XYLT1: variants seen among roughly 807,000 people sequenced by gnomAD.
XYLT1 encodes beta-D-xylosyltransferase 1.
In XYLT1, 36 loss-of-function variants were observed where a neutral mutation model predicts 91.3. That is an observed-to-expected ratio of 0.39 (90% CI 0.30 to 0.52). The LOEUF (loss-of-function observed/expected upper bound fraction) is 0.52, where lower values mean the gene tolerates loss of function less well. Ranked by LOEUF, XYLT1 falls within the 20% of genes least tolerant of loss-of-function variation. The pLI, the probability that XYLT1 is intolerant of heterozygous loss-of-function variation, is 0.68. For missense variants in XYLT1, 1,242 were observed against 1,284.5 expected, an observed-to-expected ratio of 0.97 and a Z score of 0.51; for synonymous variants, 588 against 532.0, an observed-to-expected ratio of 1.11 and a Z score of -1.45.
At chr16:17,160,758 C>T (rs2031529789) in intron 5 of XYLT1, among the ~76,000 whole-genome samples, 1 of 152,148 alleles carries the variant, frequency 6.6e-6, no homozygotes, top group African/African-American at 2.4e-5. Context: ...AGGTAAAGTC[C>T]ACTGGTGCCT....
rs1378456649 is a variant in XYLT1, at chr16:17,108,956, C to T, written c.2619G>A (p.Gln873=). 1.3e-6 allele frequency: 2 copies of T among 1,583,572 alleles called. No individual in the cohort carries two copies. The highest frequency in any genetic ancestry group is 2.3e-5 in the East Asian group (1 of 44,146). ...GCAGGCTGAGGACGGGGTTTAGGCT[C>T]TGGAAGCTCTGCTCCATGTAGGCAT... ...LRNAYMEQSF[Q]SLNPVLSLPI... The change falls in exon 12 of 12, where the codon CAG becomes CAA. Residue 873 remains glutamine, a synonymous_variant. Transcript: ENST00000261381.
At chr16:17,323,370 G>T (rs1390987978) in intron 2 of XYLT1, among the ~76,000 whole-genome samples, 1 of 152,088 alleles carries the variant, frequency 6.6e-6, no homozygotes, top group South Asian at 2.1e-4. Flanking sequence ...TCGCGCAGAC[G>T]GCACCATTGG....
chr16:17,442,740 C>T (rs1258023564), intron 1 of XYLT1, among the ~76,000 whole-genome samples: 1 of 152,300 alleles, frequency 6.6e-6, no homozygotes, highest in East Asian at 1.9e-4. Flanking sequence ...CTTCCCTCTT[C>T]CCCATCTCCT....
intron 3 of XYLT1, among the ~76,000 whole-genome samples, chr16:17,254,996 C>CTTTTTTTTTTTTTTTT (rs34553607): frequency 8.8e-5 from 10 of 113,352 alleles, no homozygotes; most frequent in South Asian, 3.0e-4. Context: ...TTTTCTTTTT[C>CTTTTTTTTTTTTTTTT]TTTTTTTTTT....
Position 17,198,271 on chromosome 16 carries a change from C to G in XYLT1, c.1230G>C (p.Glu410Asp). ...TYLQSMRDLL[E>D]MTDWPWDFFI... ...AGAAGTCCCAGGGCCAGTCGGTCAT[C>G]TCCAGGAGGTCCCGCATGCTCTGCA... The change falls in exon 5 of 12, where the codon GAG becomes GAC. Residue 410 changes from glutamate to aspartate, a missense_variant. By Grantham distance (45) the Glu-to-Asp change is conservative. Transcript: ENST00000261381. 1 of 1,614,224 alleles carries G rather than the reference C, an allele frequency of 6.2e-7. No individual in the cohort carries two copies. Among genetic ancestry groups the G allele is most frequent in the Non-Finnish European group, 8.5e-7 (1 of 1,180,034 alleles).
chr16:17,153,823 C>T (rs900735857), intron 6 of XYLT1, among the ~76,000 whole-genome samples: 9 of 152,188 alleles, frequency 5.9e-5, no homozygotes, highest in African/African-American at 2.2e-4. Flanking sequence ...GACCTACCCT[C>T]ACCCATGCAA....
intron 2 of XYLT1, among the ~76,000 whole-genome samples, chr16:17,332,567 T>TACATAC (rs2034914489): frequency 7.3e-6 from 1 of 137,902 alleles, no homozygotes; most frequent in Non-Finnish European, 1.6e-5. Flanking sequence ...ATCACACACA[T>TACATAC]ACACACACAC....
chr16:17,225,131 G>A (rs1429180475), intron 3 of XYLT1, among the ~76,000 whole-genome samples: 1 of 151,072 alleles, frequency 6.6e-6, no homozygotes, highest in Non-Finnish European at 1.5e-5. Flanking sequence ...GTGTGACCTC[G>A]TAAGCCACCA....
intron 2 of XYLT1, among the ~76,000 whole-genome samples, chr16:17,281,786 C>T (rs74010571): frequency 2.9e-3 from 442 of 152,306 alleles, no homozygotes; most frequent in African/African-American, 9.8e-3. Flanking sequence ...ACAGAATCCC[C>T]GCAAATCATC....
chr16:17,187,503 G>A (rs1238407672), intron 5 of XYLT1, among the ~76,000 whole-genome samples: 1 of 134,144 alleles, frequency 7.5e-6, no homozygotes, highest in Non-Finnish European at 1.5e-5. Flanking sequence ...GGAGGCAAAG[G>A]TTAGAGTGAG....
chr16:17,221,355 G>C (rs116486803), intron 3 of XYLT1, among the ~76,000 whole-genome samples: 220 of 152,298 alleles, frequency 1.4e-3, no homozygotes, highest in African/African-American at 4.9e-3. Context: ...GGTATCAAGA[G>C]TGTTTTCGGT....
intron 5 of XYLT1, among the ~76,000 whole-genome samples, chr16:17,166,963 A>T (rs1347279982): frequency 6.6e-6 from 1 of 152,174 alleles, no homozygotes; most frequent in Non-Finnish European, 1.5e-5. Flanking sequence ...TCATAATAAC[A>T]ATTGCAGAAA....
intron 3 of XYLT1, among the ~76,000 whole-genome samples, chr16:17,246,277 G>A (rs944990066): frequency 1.3e-5 from 2 of 152,208 alleles, no homozygotes; most frequent in Non-Finnish European, 2.9e-5. Flanking sequence ...CAATCCCTAC[G>A]TAGAGGTTAA....
At chr16:17,206,122 A>G (rs936687344) in intron 3 of XYLT1, among the ~76,000 whole-genome samples, 1 of 152,122 alleles carries the variant, frequency 6.6e-6, no homozygotes, top group East Asian at 1.9e-4. Flanking sequence ...TCAGTTCTTC[A>G]TTTACAAAGT....
intron 1 of XYLT1, among the ~76,000 whole-genome samples, chr16:17,430,063 A>G (rs2036371571): frequency 6.6e-6 from 1 of 151,426 alleles, no homozygotes; most frequent in Admixed American, 6.6e-5. Context: ...CAGCCCCCCA[A>G]GTAGCTGGGA....
intron 2 of XYLT1, among the ~76,000 whole-genome samples, chr16:17,337,427 G>A (rs1032894322): frequency 3.9e-5 from 6 of 152,112 alleles, no homozygotes; most frequent in Non-Finnish European, 8.8e-5. Context: ...TCAAGCGATT[G>A]GCCAGCCTCA....
In XYLT1 at chr16:17,134,752, A is replaced by G. The variant is rs780706168; in HGVS notation, c.1765-17T>C. Reference sequence around the variant, plus strand: ...GGCTGTCTGCTGTACTCATGGGATTAAAAATAGAAAAGCCACATCAGCGAG... The same window carrying G: ...GGCTGTCTGCTGTACTCATGGGATTGAAAATAGAAAAGCCACATCAGCGAG... On this transcript the variant is annotated splice_polypyrimidine_tract_variant and intron_variant, in intron 8 of 11. Coordinates refer to ENST00000261381, the MANE Select transcript of XYLT1 (RefSeq NM_022166.4). 4 of 1,611,258 alleles carry G rather than the reference A, an allele frequency of 2.5e-6. No homozygotes were observed. The highest frequency in any genetic ancestry group is 1.1e-5 in the South Asian group (1 of 90,998).
rs144332350 is a variant in XYLT1 at position 17,143,092 on chromosome 16, A to C, written c.1371-1723T>G. Among the ~76,000 whole-genome samples the C allele has an allele frequency of 2.6e-4, 39 of 152,286 alleles. 2 individuals carry two copies. In the South Asian group the frequency reaches 5.2e-3, roughly 20 times the overall value. ...CATTTCCTATTTTGTAGATGCAGAA[A>C]CCAAAGCTGTTCAGGTCCCAGAGCT... On this transcript the variant is annotated intron_variant, in intron 6 of 11. Transcript: ENST00000261381.
At chr16:17,322,723 A>G (rs1235751031) in intron 2 of XYLT1, among the ~76,000 whole-genome samples, 2 of 152,174 alleles carry the variant, frequency 1.3e-5, no homozygotes, top group East Asian at 3.8e-4. Context: ...CACTGACCAG[A>G]TGAGTTATCT....
Sources: gnomAD v4.1 joint callset for allele counts (sites outside exome capture counted in the v4.1 genomes callset) on GRCh38, gnomAD v4.1.1 for gene constraint, MANE v1.5 for transcripts, NCBI Gene and HGNC (gene_info 2026-07-23, HGNC 2026-07-21) for gene names.